Variants in FAM124A observed in about 807,000 individuals in gnomAD.
The protein encoded by FAM124A is family with sequence similarity 124 member A.
In FAM124A, 23 loss-of-function variants were observed where a neutral mutation model predicts 24.5. The ratio of observed to expected loss-of-function variants is 0.94; its 90% CI spans 0.68 to 1.33. FAM124A has a LOEUF of 1.33. Among genes scored for constraint, FAM124A ranks in the 40% most tolerant of loss-of-function variants. The probability of loss-of-function intolerance (pLI) is 0.00; values close to 1 mark genes in which losing one functional copy is unlikely to be tolerated. For missense variants in FAM124A, 623 were observed against 722.8 expected (o/e 0.86, Z 1.58); for synonymous variants, 287 against 314.7 (o/e 0.91, Z 0.93).
At chr13:51,261,227 G>C (rs1490050017) in intron 3 of FAM124A, among the ~76,000 whole-genome samples, 1 of 152,186 alleles carries the variant, frequency 6.6e-6, no homozygotes, top group Admixed American at 6.5e-5. Flanking sequence ...ATCCACATGT[G>C]GGGGAAGGAA....
At chr13:51,228,578 T>G (rs771511407) in intron 1 of FAM124A, among the ~76,000 whole-genome samples, 3 of 152,164 alleles carry the variant, frequency 2.0e-5, no homozygotes, top group African/African-American at 7.2e-5. Context: ...AACAGAAATC[T>G]CAAGGCAGCT....
At chr13:51,246,676 T>C (rs1256834882) in intron 2 of FAM124A, among the ~76,000 whole-genome samples, 1 of 152,124 alleles carries the variant, frequency 6.6e-6, no homozygotes, top group East Asian at 1.9e-4. Context: ...GGCGAGCTGG[T>C]ACTTGGTGGA....
chr13:51,239,471 G>T (rs1040546310), intron 2 of FAM124A, among the ~76,000 whole-genome samples: 1 of 152,044 alleles, frequency 6.6e-6, no homozygotes, highest in African/African-American at 2.4e-5. Context: ...ATCTTTATAT[G>T]CCAGGAAACT....
At chr13:51,246,408 G>GA (rs1462798700) in intron 2 of FAM124A, among the ~76,000 whole-genome samples, 1 of 143,672 alleles carries the variant, frequency 7.0e-6, no homozygotes, top group Admixed American at 6.9e-5. Context: ...GTGGGGTGGG[G>GA]GGGGGTGTAA....
intron 2 of FAM124A, among the ~76,000 whole-genome samples, chr13:51,235,026 G>A (rs1001782848): frequency 2.0e-5 from 3 of 152,146 alleles, no homozygotes; most frequent in Non-Finnish European, 2.9e-5. Flanking sequence ...CTCTGTCCCC[G>A]TCCAGATCCG....
In FAM124A at chr13:51,281,612, A is replaced by ATG. The variant is rs1954940662; in HGVS notation, c.*357_*358dup. 5.5e-6 allele frequency: 1 copy of ATG among 182,852 alleles called. No individual in the cohort carries two copies. The highest frequency in any genetic ancestry group is 2.4e-5 in the African/African-American group (1 of 42,222). The allele number at this position is 182,852 out of a possible 1,614,324, so 11.3% of individuals were successfully genotyped here. A position where few individuals can be genotyped will look rare whatever the true frequency, so the allele number is the denominator to read the frequency against. Reference sequence around the variant, plus strand: ...CCAGAACCAATTTGGCAATTTTTCCATGGTATGAAGGCAAATCAATTAAGG... The same window carrying ATG: ...CCAGAACCAATTTGGCAATTTTTCCATGTGGTATGAAGGCAAATCAATTAAGG... On this transcript the variant is annotated 3_prime_UTR_variant, in exon 4 of 4. Transcript: ENST00000322475.
chr13:51,269,893 C>T (rs894258493), intron 3 of FAM124A, among the ~76,000 whole-genome samples: 2 of 152,152 alleles, frequency 1.3e-5, no homozygotes, highest in Non-Finnish European at 1.5e-5. Context: ...TAAACCCCCA[C>T]CCTAGGTAAC....
intron 1 of FAM124A, among the ~76,000 whole-genome samples, chr13:51,223,657 C>A (rs1289874770): frequency 6.6e-6 from 1 of 152,192 alleles, no homozygotes; most frequent in African/African-American, 2.4e-5. Flanking sequence ...AGCCCAAATG[C>A]GGGACTTTAC....
At chr13:51,254,175 T>C (rs1054075398) in intron 3 of FAM124A, among the ~76,000 whole-genome samples, 3 of 152,222 alleles carry the variant, frequency 2.0e-5, no homozygotes, top group Non-Finnish European at 4.4e-5. Flanking sequence ...CTGAGTGCCA[T>C]TTTGAACTGT....
intron 2 of FAM124A, among the ~76,000 whole-genome samples, chr13:51,250,573 G>A (rs911234041): frequency 6.6e-6 from 1 of 152,214 alleles, no homozygotes; most frequent in Non-Finnish European, 1.5e-5. Flanking sequence ...AACAGTTTCA[G>A]GTGTTCCGCC....
chr13:51,278,505 C>T (rs2082611593), intron 3 of FAM124A, among the ~76,000 whole-genome samples: 1 of 152,224 alleles, frequency 6.6e-6, no homozygotes, highest in Admixed American at 6.5e-5. Context: ...TATGCAAGCC[C>T]TGCAGTCACA....
rs5803559 is a variant in FAM124A at position 51,223,195 on chromosome 13, C to CT, written c.68+639dup. ...TGTTGGGATTAGGATCTAGCCCTGC[C>CT]TTTTTTTTTTTTTAATATTCTCTTC... is the stretch of plus-strand genomic sequence containing the variant. On this transcript the variant is annotated intron_variant, in intron 1 of 3. Transcript: ENST00000322475. Among the ~76,000 whole-genome samples the CT allele has an allele frequency of 9.2e-3, 1,346 of 146,880 alleles. 8 individuals carry two copies. Among genetic ancestry groups the CT allele is most frequent in the Non-Finnish European group, 0.011 (717 of 66,542 alleles).
chr13:51,240,118 G>T (rs1055276691), intron 2 of FAM124A, among the ~76,000 whole-genome samples: 2 of 152,186 alleles, frequency 1.3e-5, no homozygotes, highest in African/African-American at 4.8e-5. Context: ...ACTGCTGATG[G>T]TATAACAAGT....
At chr13:51,223,058 T>G (rs1348383673) in intron 1 of FAM124A, among the ~76,000 whole-genome samples, 1 of 152,124 alleles carries the variant, frequency 6.6e-6, no homozygotes, top group Non-Finnish European at 1.5e-5. Context: ...CTTTAATCTG[T>G]GCTGCCGAGT....
chr13:51,280,428 T>A, intron 3 of FAM124A, 22 bp from the exon 4 acceptor site: 1 of 1,555,622 alleles, frequency 6.4e-7, no homozygotes, highest in Non-Finnish European at 8.7e-7. Context: ...TGCACTAATG[T>A]GATCTGCCTC....
At chr13:51,239,168 C>A (rs1954466321) in intron 2 of FAM124A, among the ~76,000 whole-genome samples, 1 of 152,200 alleles carries the variant, frequency 6.6e-6, no homozygotes, top group Non-Finnish European at 1.5e-5. Context: ...TGCCACTACT[C>A]CTTACCTTGA....
chr13:51,234,061 C>T (rs1224976804), intron 2 of FAM124A, among the ~76,000 whole-genome samples: 1 of 152,252 alleles, frequency 6.6e-6, no homozygotes, highest in Non-Finnish European at 1.5e-5. Flanking sequence ...CATTCTGCCA[C>T]TGCTGTCAGC....
chr13:51,256,716 T>C (rs1272704334), intron 3 of FAM124A, among the ~76,000 whole-genome samples: 2 of 152,222 alleles, frequency 1.3e-5, no homozygotes, highest in Non-Finnish European at 2.9e-5. Context: ...TTTACCATTT[T>C]AGCCATTGTA....
intron 3 of FAM124A, among the ~76,000 whole-genome samples, chr13:51,265,164 G>A (rs1026963644): frequency 2.0e-5 from 3 of 152,220 alleles, no homozygotes; most frequent in African/African-American, 7.2e-5. Flanking sequence ...GGTGGAGAAG[G>A]AGACTCCTGG....
Sources: allele counts gnomAD v4.1 joint callset (sites outside exome capture counted in the v4.1 genomes callset), GRCh38; gene constraint gnomAD v4.1.1; transcripts MANE v1.5; gene names NCBI Gene and HGNC (gene_info 2026-07-23, HGNC 2026-07-21).